MIGA1: variants seen among roughly 807,000 people sequenced by gnomAD.
MIGA1 encodes the protein mitoguardin 1.
A neutral mutation model predicts 82.0 loss-of-function variants in MIGA1; 58 were observed. The ratio of observed to expected loss-of-function variants is 0.71; its 90% CI spans 0.57 to 0.88. The LOEUF (loss-of-function observed/expected upper bound fraction) is 0.88. Among genes scored for constraint, MIGA1 ranks in the 40% least tolerant of loss-of-function variants. The pLI is 0.00. For synonymous variants in MIGA1, 249 were observed against 253.6 expected (o/e 0.98, Z 0.17); for missense variants, 751 against 749.1 (o/e 1.00, Z -0.03).
At position 77,878,224 on chromosome 1, in the gene MIGA1, T is replaced by C. The variant is rs150915090; in HGVS notation, c.*3160T>C. 0.047 allele frequency: 7,148 copies of C among 151,652 alleles called. 225 individuals are homozygous for C. The highest frequency in any genetic ancestry group is 0.11 in the East Asian group (557 of 5,140). 9.4% of individuals were successfully genotyped at this position (151,652 alleles called of 1,614,324 possible). A position where few individuals can be genotyped will look rare whatever the true frequency, so the allele number is the denominator to read the frequency against. Reference sequence around the variant, plus strand: ...GCCTGACCAACATGGTGAAACCCCATCTCTACTAAAAATACAAAAATTAGC... The same window carrying C: ...GCCTGACCAACATGGTGAAACCCCACCTCTACTAAAAATACAAAAATTAGC... On this transcript the variant is annotated 3_prime_UTR_variant, in exon 16 of 16. Coordinates refer to ENST00000370791, the MANE Select transcript of MIGA1 (RefSeq NM_198549.4).
chr1:77,811,807 C>T (rs1339593899), intron 5 of MIGA1: 18 of 1,524,334 alleles, frequency 1.2e-5, no homozygotes, highest in South Asian at 2.5e-5. Context: ...CGTCCCCTCC[C>T]GCCCCTACCC....
At chr1:77,847,474 A>G in intron 8 of MIGA1, 1 of 1,428,084 alleles carries the variant, frequency 7.0e-7, no homozygotes, top group South Asian at 1.2e-5. Context: ...AAAAGAATGG[A>G]AAAGAAAATA....
chr1:77,841,974 G>T (rs542334813), intron 7 of MIGA1, among the ~76,000 whole-genome samples: 1 of 148,024 alleles, frequency 6.8e-6, no homozygotes, highest in African/African-American at 2.5e-5. Flanking sequence ...TTTGGACGAG[G>T]TCTCACTGTG....
intron 2 of MIGA1, among the ~76,000 whole-genome samples, chr1:77,789,375 A>AT (rs1313011348): frequency 2.0e-5 from 3 of 151,206 alleles, no homozygotes; most frequent in Non-Finnish European, 4.4e-5. Flanking sequence ...CACCCAGCTA[A>AT]TTTTTTTTAT....
At chr1:77,842,738 C>T (rs1684674244) in intron 7 of MIGA1, among the ~76,000 whole-genome samples, 2 of 152,134 alleles carry the variant, frequency 1.3e-5, no homozygotes, top group Admixed American at 6.6e-5. Context: ...GACGGGGTTT[C>T]GCCATGTTGG....
intron 7 of MIGA1, among the ~76,000 whole-genome samples, chr1:77,818,418 C>T (rs2101814764): frequency 6.6e-6 from 1 of 152,142 alleles, no homozygotes; most frequent in African/African-American, 2.4e-5. Context: ...CCACTGTGTC[C>T]TGCTGAGATA....
At chr1:77,780,663 AAT>A (rs1377616413) in intron 1 of MIGA1, among the ~76,000 whole-genome samples, 1 of 152,168 alleles carries the variant, frequency 6.6e-6, no homozygotes, top group African/African-American at 2.4e-5. Flanking sequence ...CACACAGGAC[AAT>A]ATTTTTGGTT....
At chr1:77,823,132 C>T (rs376523284) in intron 7 of MIGA1, among the ~76,000 whole-genome samples, 77 of 152,082 alleles carry the variant, frequency 5.1e-4, no homozygotes, top group East Asian at 2.7e-3. Context: ...TGAGCCACCA[C>T]GCCCGGCCCA....
At chr1:77,831,665 T>A (rs1320959673) in intron 7 of MIGA1, among the ~76,000 whole-genome samples, 1 of 152,224 alleles carries the variant, frequency 6.6e-6, no homozygotes, top group Non-Finnish European at 1.5e-5. Context: ...TGTCATATCA[T>A]GACGAATGTT....
rs781668600 is a variant in MIGA1, at chr1:77,874,929, C to T, written c.1764C>T (p.Leu588=). Reference sequence around the variant, plus strand: ...GTACAGAGACTTTAGCTGAAGACCTCATGCAGTTACTCATTCGCCGCACTG... The same window carrying T: ...GTACAGAGACTTTAGCTGAAGACCTTATGCAGTTACTCATTCGCCGCACTG... The change falls in exon 16 of 16, where the codon CTC becomes CTT. Residue 588 remains leucine, a synonymous_variant. Coordinates refer to ENST00000370791, the MANE Select transcript of MIGA1 (RefSeq NM_198549.4). The T allele has an allele frequency of 6.8e-6, 11 of 1,614,120 alleles. No homozygotes were observed. The South Asian group carries it at 1.2e-4, about 18-fold the overall frequency.
At position 77,878,928 on chromosome 1, in the gene MIGA1, T is replaced by C. The variant is rs1646915349; in HGVS notation, c.*3864T>C. ...TAATTTGTTGAATTAAATGCCTTTA[T>C]AAAAATATTTACAAATGTTTTCTTG... On this transcript the variant is annotated 3_prime_UTR_variant, in exon 16 of 16. Coordinates refer to ENST00000370791, the MANE Select transcript of MIGA1 (RefSeq NM_198549.4). The C allele has an allele frequency of 3.0e-6, 1 of 329,412 alleles. No individual in the cohort carries two copies. Among genetic ancestry groups the C allele is most frequent in the Non-Finnish European group, 5.5e-6 (1 of 181,534 alleles). The allele number at this position is 329,412 out of a possible 1,614,324, so 20.4% of individuals were successfully genotyped here. A position where few individuals can be genotyped will look rare whatever the true frequency, so the allele number is the denominator to read the frequency against.
At chr1:77,871,675 A>G (rs1410944671) in intron 14 of MIGA1, among the ~76,000 whole-genome samples, 1 of 152,186 alleles carries the variant, frequency 6.6e-6, no homozygotes, top group East Asian at 1.9e-4. Flanking sequence ...AAAAAGTTAT[A>G]AATATAGAGT....
intron 14 of MIGA1, among the ~76,000 whole-genome samples, chr1:77,871,152 T>G: frequency 7.3e-6 from 1 of 137,736 alleles, no homozygotes; most frequent in Non-Finnish European, 1.6e-5. Context: ...GCAGCACATT[T>G]TCTAGAATAT....
At chr1:77,857,133 C>G (rs1163480501) in intron 8 of MIGA1, among the ~76,000 whole-genome samples, 2 of 151,936 alleles carry the variant, frequency 1.3e-5, no homozygotes, top group African/African-American at 4.8e-5. Flanking sequence ...TGTTTTTGAC[C>G]CAGTGCGCAT....
At chr1:77,788,246 G>A (rs770979641) in intron 2 of MIGA1, among the ~76,000 whole-genome samples, 5 of 152,060 alleles carry the variant, frequency 3.3e-5, no homozygotes, top group South Asian at 4.2e-4. Context: ...CAAGTGATCC[G>A]CCTGCCTTGG....
chr1:77,803,772 G>T (rs1321748385), intron 4 of MIGA1, among the ~76,000 whole-genome samples: 1 of 152,224 alleles, frequency 6.6e-6, no homozygotes, highest in South Asian at 2.1e-4. Context: ...AGGTAACGGG[G>T]GGTGGAGGGG....
intron 12 of MIGA1, among the ~76,000 whole-genome samples, chr1:77,863,044 T>G (rs1685530646): frequency 6.6e-6 from 1 of 152,166 alleles, no homozygotes; most frequent in African/African-American, 2.4e-5. Flanking sequence ...TAATTTTTCC[T>G]TTTCTAGTGT....
At chr1:77,793,756 T>A (rs1303801261) in intron 2 of MIGA1, among the ~76,000 whole-genome samples, 1 of 146,272 alleles carries the variant, frequency 6.8e-6, no homozygotes, top group Non-Finnish European at 1.5e-5. Flanking sequence ...TGAACCACTG[T>A]GCCTGGCTGC....
chr1:77,861,116 T>A, intron 11 of MIGA1, 108 bp from the exon 12 acceptor site: 2 of 683,422 alleles, frequency 2.9e-6, no homozygotes, highest in Non-Finnish European at 4.9e-6. Flanking sequence ...TGTATTTTAG[T>A]TCAGTTACCT....
Sources: gnomAD v4.1 joint callset for allele counts (sites outside exome capture counted in the v4.1 genomes callset) on GRCh38, gnomAD v4.1.1 for gene constraint, MANE v1.5 for transcripts, NCBI Gene and HGNC (gene_info 2026-07-23, HGNC 2026-07-21) for gene names.